DAG1: variants seen among roughly 807,000 people sequenced by gnomAD.
DAG1 encodes the protein dystroglycan 1, also known as dystroglycan 1 (dystrophin-associated glycoprotein 1).
DAG1 carries 8 observed loss-of-function variants against 46.1 expected under a neutral mutation model. The ratio of observed to expected loss-of-function variants is 0.17; its 90% CI spans 0.10 to 0.31. The LOEUF is 0.31. DAG1 is among the 10% of genes least tolerant of loss of function. The pLI is 1.00. For missense variants in DAG1, 1,003 were observed against 1,189.9 expected, an observed-to-expected ratio of 0.84 and a Z score of 2.31; for synonymous variants, 495 against 481.8, an observed-to-expected ratio of 1.03 and a Z score of -0.36.
chr3:49,518,767 T>C (rs930193596), intron 2 of DAG1, among the ~76,000 whole-genome samples: 3 of 152,220 alleles, frequency 2.0e-5, no homozygotes, highest in African/African-American at 4.8e-5. Context: ...CATGGACTGC[T>C]TTGACCAGAC....
At chr3:49,522,793 GTT>G (rs1216167351) in intron 2 of DAG1, among the ~76,000 whole-genome samples, 1 of 152,206 alleles carries the variant, frequency 6.6e-6, no homozygotes, top group Non-Finnish European at 1.5e-5. Flanking sequence ...AAACCAGAAA[GTT>G]TTCTGGCCTT....
intron 1 of DAG1, among the ~76,000 whole-genome samples, chr3:49,506,014 C>T (rs1251889004): frequency 7.0e-6 from 1 of 143,606 alleles, no homozygotes. Context: ...AGTTTCACTC[C>T]TGTTGCCCAG....
intron 2 of DAG1, among the ~76,000 whole-genome samples, chr3:49,526,966 A>G (rs969887866): frequency 1.3e-5 from 2 of 152,186 alleles, no homozygotes; most frequent in South Asian, 2.1e-4. Context: ...GAGCCTTCCT[A>G]TAGAATGGCC....
rs985362266 is a variant in DAG1 at position 49,514,855 on chromosome 3, A to G, written c.285+4036A>G. On this transcript the variant is annotated intron_variant, in intron 2 of 2. Transcript: ENST00000308775. ...TGTGTGTACACATACATAGACACAC[A>G]CACACATATATATATATTTTTTGAG... is the stretch of plus-strand genomic sequence containing the variant. Among the ~76,000 whole-genome samples, 6 of 151,512 alleles carry G rather than the reference A, an allele frequency of 4.0e-5. No individual in the cohort carries two copies. The East Asian group carries it at 1.2e-3, about 29-fold the overall frequency.
chr3:49,533,099 A>C lies in DAG1; in HGVS notation c.2588A>C (p.Tyr863Ser). Residue 863 changes from tyrosine (Y) to serine (S), a missense_variant, in exon 3 of 3, where the codon TAC becomes TCC. Physicochemically the swap from Tyr to Ser is moderately radical, Grantham distance 144 (BLOSUM62 -2). Transcript: ENST00000308775. ...LRDEDPNAPP[Y>S]QPPPPFTAPM... ...GATGAGGATCCCAATGCGCCTCCCTACCAGCCCCCACCGCCCTTCACAGCA... is the reference window on the plus strand; with the variant it reads ...GATGAGGATCCCAATGCGCCTCCCTCCCAGCCCCCACCGCCCTTCACAGCA... 1 of 1,613,920 alleles carries C rather than the reference A, an allele frequency of 6.2e-7. No homozygotes were observed. The highest frequency in any genetic ancestry group is 8.5e-7 in the Non-Finnish European group (1 of 1,179,952).
rs549287622 is a variant in DAG1 at position 49,524,707 on chromosome 3, G to A, written c.286-6090G>A. Among the ~76,000 whole-genome samples the A allele has an allele frequency of 7.2e-5, 11 of 152,232 alleles. No homozygotes were observed. The East Asian group carries it at 2.1e-3, about 29-fold the overall frequency. ...AAAAAAATGTATATTTAAGGGCTGGGCATGGTGGCCCACACCTGTAATCCC... is the reference window on the plus strand; with the variant it reads ...AAAAAAATGTATATTTAAGGGCTGGACATGGTGGCCCACACCTGTAATCCC... On this transcript the variant is annotated intron_variant, in intron 2 of 2. Coordinates refer to ENST00000308775, the MANE Select transcript of DAG1 (RefSeq NM_004393.6).
intron 1 of DAG1, among the ~76,000 whole-genome samples, chr3:49,472,448 G>T (rs1351061389): frequency 6.6e-6 from 1 of 152,070 alleles, no homozygotes; most frequent in Non-Finnish European, 1.5e-5. Context: ...GGGATTTGGA[G>T]GGACCACTTA....
intron 1 of DAG1, among the ~76,000 whole-genome samples, chr3:49,503,470 C>G (rs2050512651): frequency 6.6e-6 from 1 of 152,164 alleles, no homozygotes; most frequent in Admixed American, 6.6e-5. Flanking sequence ...CTATCACATG[C>G]ATTGAAAAAG....
At chr3:49,479,418 T>A (rs2106962282) in intron 1 of DAG1, among the ~76,000 whole-genome samples, 1 of 150,916 alleles carries the variant, frequency 6.6e-6, no homozygotes, top group Middle Eastern at 3.4e-3. Context: ...CAAGTGATTC[T>A]CCTATCTCAG....
intron 1 of DAG1, among the ~76,000 whole-genome samples, chr3:49,508,283 C>T (rs2050663408): frequency 6.6e-6 from 1 of 151,292 alleles, no homozygotes; most frequent in African/African-American, 2.4e-5. Flanking sequence ...CTCACTTCAG[C>T]CTCTGCCTCC....
Position 49,531,319 on chromosome 3 carries a change from A to G in DAG1, c.808A>G (p.Ser270Gly). Residue 270 changes from serine to glycine, a missense_variant, in exon 3 of 3, where the codon AGT becomes GGT. By Grantham distance (56) the Ser-to-Gly change is moderately conservative. Transcript: ENST00000308775. The surrounding 1 kb of genome is among the most constrained non-coding windows in gnomAD (Gnocchi z 7.0). ...GCTGGGCTGCTCCCTGAACCAGAACAGTGTGCCTGACATTCATGGTGTAGA... is the reference window on the plus strand; with the variant it reads ...GCTGGGCTGCTCCCTGAACCAGAACGGTGTGCCTGACATTCATGGTGTAGA... ...WKLGCSLNQN[S>G]VPDIHGVEAP... 2 of 1,614,192 alleles carry G rather than the reference A, an allele frequency of 1.2e-6. No individual in the cohort carries two copies. The highest frequency in any genetic ancestry group is 1.7e-6 in the Non-Finnish European group (2 of 1,180,046).
chr3:49,473,583 CTT>C (rs554262180), intron 1 of DAG1, among the ~76,000 whole-genome samples: 2 of 145,642 alleles, frequency 1.4e-5, no homozygotes. Flanking sequence ...TCTTTTCTTC[CTT>C]TTTTTTTTTT....
intron 1 of DAG1, among the ~76,000 whole-genome samples, chr3:49,502,960 G>T (rs906526442): frequency 6.6e-6 from 1 of 152,156 alleles, no homozygotes; most frequent in Non-Finnish European, 1.5e-5. Context: ...ATTTACGCAT[G>T]TTGATACTTG....
chr3:49,490,880 CTTTTTTTTTTT>C (rs972440561), intron 1 of DAG1, among the ~76,000 whole-genome samples: 7 of 87,854 alleles, frequency 8.0e-5, no homozygotes, highest in Admixed American at 6.9e-4. Context: ...CTCCTAAATT[CTTTTTTTTTTT>C]TTTTTTTTTT....
chr3:49,533,229 G>C lies in DAG1; in HGVS notation c.*30G>C. The C allele has an allele frequency of 6.2e-7, 1 of 1,606,788 alleles. No homozygotes were observed. The highest frequency in any genetic ancestry group is 8.5e-7 in the Non-Finnish European group (1 of 1,179,844). ...CAAGCGCCTGGGTGGAGGCAGGGTA[G>C]GGCAGGGGCCTGGAGACGACATGGT... On this transcript the variant is annotated 3_prime_UTR_variant, in exon 3 of 3. Transcript: ENST00000308775.
intron 1 of DAG1, among the ~76,000 whole-genome samples, chr3:49,508,635 G>A (rs2050677028): frequency 6.6e-6 from 1 of 151,778 alleles, no homozygotes; most frequent in Admixed American, 6.6e-5. Flanking sequence ...CCTGACGTCA[G>A]GTGATCTGCC....
chr3:49,515,388 G>GT (rs71627397), intron 2 of DAG1, among the ~76,000 whole-genome samples: 69,160 of 130,146 alleles, frequency 0.53, 19,120 homozygotes, highest in Non-Finnish European at 0.58. Flanking sequence ...TTCTTGTGTT[G>GT]TTTTTTTTTT....
At chr3:49,496,169 A>T (rs559782663) in intron 1 of DAG1, among the ~76,000 whole-genome samples, 1 of 152,086 alleles carries the variant, frequency 6.6e-6, no homozygotes. Context: ...CAAAATATAC[A>T]TAACATAAAG....
intron 1 of DAG1, among the ~76,000 whole-genome samples, chr3:49,507,495 G>A (rs191086425): frequency 2.8e-3 from 421 of 152,096 alleles, no homozygotes; most frequent in Admixed American, 5.5e-3. Context: ...CCTGGGAGGC[G>A]GAGGTTACAG....
Sources: gnomAD v4.1 joint callset for allele counts (sites outside exome capture counted in the v4.1 genomes callset) on GRCh38, gnomAD v4.1.1 for gene constraint, Gnocchi (gnomAD v3.1) non-coding constraint, MANE v1.5 for transcripts, NCBI Gene and HGNC (gene_info 2026-07-23, HGNC 2026-07-21) for gene names.